Variants in TMEM63B observed in about 807,000 individuals in gnomAD.
TMEM63B encodes the protein transmembrane protein 63B.
In TMEM63B, 23 loss-of-function variants were observed where a neutral mutation model predicts 102.6. That is an observed-to-expected ratio of 0.22 (90% CI 0.16 to 0.32). The LOEUF (loss-of-function observed/expected upper bound fraction) is 0.32. Among genes scored for constraint, TMEM63B ranks in the 10% least tolerant of loss-of-function variants. The probability of loss-of-function intolerance (pLI) is 1.00; values close to 1 mark genes in which losing one functional copy is unlikely to be tolerated. For synonymous variants in TMEM63B, 444 were observed against 437.0 expected (o/e 1.02, Z -0.20); for missense variants, 628 against 1,095.9 (o/e 0.57, Z 6.03).
At position 44,155,169 on chromosome 6, in the gene TMEM63B, A is replaced by C; in HGVS notation, c.*286A>C. 4.1e-6 allele frequency: 1 copy of C among 243,492 alleles called. No homozygotes were observed. The allele number at this position is 243,492 out of a possible 1,614,324, so 15.1% of individuals were successfully genotyped here. A position where few individuals can be genotyped will look rare whatever the true frequency, so the allele number is the denominator to read the frequency against. On this transcript the variant is annotated 3_prime_UTR_variant, in exon 24 of 24. Transcript: ENST00000323267. ...CCCCTCCCCAGCTAGTAGCATGACC[A>C]GGAGAGGGTTAATGAGAGCCAAGAG...
At chr6:44,149,376 C>T (rs539944670) in intron 15 of TMEM63B, 2 of 315,080 alleles carry the variant, frequency 6.3e-6, no homozygotes, top group Non-Finnish European at 1.2e-5. Flanking sequence ...GGCCTCCCCT[C>T]ACCTCTCCTC....
intron 1 of TMEM63B, among the ~76,000 whole-genome samples, chr6:44,132,494 A>G (rs1393560690): frequency 6.6e-6 from 1 of 152,214 alleles, no homozygotes; most frequent in African/African-American, 2.4e-5. Context: ...GGGTGGGAAT[A>G]GAGTGTTGAG....
At position 44,144,798 on chromosome 6, in the gene TMEM63B, A is replaced by G. The variant is rs571101904; in HGVS notation, c.783-2049A>G. 4.5e-4 allele frequency among the ~76,000 whole-genome samples: 68 copies of G among 151,670 alleles called. 1 individual carries two copies. The highest frequency in any genetic ancestry group is 1.5e-3 in the African/African-American group (64 of 41,332). ...CTTTTTTTAGAGACAGGGTCTCACT[A>G]TGTTGCCCAGGCTGGTCATGAACTC... On this transcript the variant is annotated intron_variant, in intron 10 of 23. Transcript: ENST00000323267.
At position 44,150,133 on chromosome 6, in the gene TMEM63B, G is replaced by T; in HGVS notation, c.1521-91G>T. 6 of 1,419,434 alleles carry T rather than the reference G, an allele frequency of 4.2e-6. No homozygotes were observed. The highest frequency in any genetic ancestry group is 5.9e-6 in the Non-Finnish European group (6 of 1,018,430). 87.9% of individuals were successfully genotyped at this position (1,419,434 alleles called of 1,614,324 possible). ...CCTTGGGAGGCCCACCCTTCCCAGG[G>T]GACACTCCTTGGACATTGTCCTTGT... On this transcript the variant is annotated intron_variant, in intron 16 of 23. Coordinates refer to ENST00000323267, the MANE Select transcript of TMEM63B (RefSeq NM_018426.3). The surrounding 1 kb of genome is among the most constrained non-coding windows in gnomAD (Gnocchi z 4.7).
intron 11 of TMEM63B, 122 bp downstream of exon 11, chr6:44,147,049 C>T: frequency 1.8e-6 from 2 of 1,107,328 alleles, no homozygotes; most frequent in South Asian, 2.6e-5. Context: ...TTTAATTCAA[C>T]TCGTTGGTGT....
At chr6:44,154,498 C>T in intron 23 of TMEM63B, 53 bp downstream of exon 23, 1 of 1,604,402 alleles carries the variant, frequency 6.2e-7, no homozygotes, top group South Asian at 1.1e-5. Flanking sequence ...GCCTCAAAGC[C>T]CAGTGTTCCC....
chr6:44,146,843 T>G lies in TMEM63B; in HGVS notation c.783-4T>G. On this transcript the variant is annotated splice_region_variant and splice_polypyrimidine_tract_variant and intron_variant, in intron 10 of 23. Coordinates refer to ENST00000323267, the MANE Select transcript of TMEM63B (RefSeq NM_018426.3). ...CACAAGATGATACATGAACTGTGTT[T>G]CAGGGAAGCCTACCCCAACTGCACA... 1 of 1,613,914 alleles carries G rather than the reference T, an allele frequency of 6.2e-7. No homozygotes were observed.
chr6:44,139,848 A>T lies in TMEM63B; in HGVS notation c.602+89A>T. 2.0e-6 allele frequency: 3 copies of T among 1,531,988 alleles called. No individual in the cohort carries two copies. The Admixed American group carries it at 5.0e-5, about 26-fold the overall frequency. 94.9% of individuals were successfully genotyped at this position (1,531,988 alleles called of 1,614,324 possible). On this transcript the variant is annotated intron_variant, in intron 8 of 23. Coordinates refer to ENST00000323267, the MANE Select transcript of TMEM63B (RefSeq NM_018426.3). ...ACAGGGAGGAAAGGCAGCTGCGTTGATGGGAGCAGAGCCTACAGGGATGGC... is the reference window on the plus strand; with the variant it reads ...ACAGGGAGGAAAGGCAGCTGCGTTGTTGGGAGCAGAGCCTACAGGGATGGC...
In TMEM63B at chr6:44,148,466, G is replaced by C. The variant is rs375251660; in HGVS notation, c.1122-47G>C. Reference sequence around the variant, plus strand: ...CTGTGCTCATGGCCTTCTGCCAGCAGTGTGGCCTCCAGGTGGGCCTGTGGT... The same window carrying C: ...CTGTGCTCATGGCCTTCTGCCAGCACTGTGGCCTCCAGGTGGGCCTGTGGT... On this transcript the variant is annotated intron_variant, in intron 13 of 23. Coordinates refer to ENST00000323267, the MANE Select transcript of TMEM63B (RefSeq NM_018426.3). The surrounding 1 kb of genome is among the most constrained non-coding windows in gnomAD (Gnocchi z 5.1). 9 of 1,612,544 alleles carry C rather than the reference G, an allele frequency of 5.6e-6. No individual in the cohort carries two copies. The African/African-American group carries it at 6.7e-5, about 12-fold the overall frequency.
At chr6:44,130,763 T>C (rs1007012601) in intron 1 of TMEM63B, among the ~76,000 whole-genome samples, 3 of 149,270 alleles carry the variant, frequency 2.0e-5, no homozygotes, top group South Asian at 2.1e-4. Context: ...TTTTTTTTTT[T>C]CCCCTCGAGA....
chr6:44,146,874 C>G lies in TMEM63B; in HGVS notation c.810C>G (p.Leu270=), dbSNP rs142029936. The G allele has an allele frequency of 9.9e-6, 16 of 1,614,028 alleles. No homozygotes were observed. Among genetic ancestry groups the G allele is most frequent in the Middle Eastern group, 1.7e-4 (1 of 6,056 alleles). ...AAGCCTACCCCAACTGCACAGTTCT[C>G]GAAGCCCGCCCGTGTTACAACGTGG... ...FEEAYPNCTV[L]EARPCYNVAR... is the part of the protein sequence containing the mutation. Residue 270 remains leucine (L), a synonymous_variant, in exon 11 of 24, where the codon CTC becomes CTG. Transcript: ENST00000323267.
At chr6:44,132,531 A>C (rs1216558933) in intron 1 of TMEM63B, among the ~76,000 whole-genome samples, 2 of 152,122 alleles carry the variant, frequency 1.3e-5, no homozygotes, top group Non-Finnish European at 2.9e-5. Context: ...GGAGTTGAGA[A>C]TTGAGAAAGG....
chr6:44,134,693 C>T lies in TMEM63B; in HGVS notation c.109C>T (p.Pro37Ser), dbSNP rs528583289. 6.2e-7 allele frequency: 1 copy of T among 1,614,164 alleles called. No homozygotes were observed. Among genetic ancestry groups the T allele is most frequent in the Admixed American group, 1.7e-5 (1 of 60,030 alleles). Residue 37 changes from proline (P) to serine (S), a missense_variant, in exon 2 of 24, where the codon CCC (proline) becomes TCC (serine). By Grantham distance (74) the Pro-to-Ser change is moderately conservative. Around this residue, in one of 6 missense-constraint regions of TMEM63B, gnomAD observed 336 missense variants for 580.3 expected, o/e 0.58. Transcript: ENST00000323267. The part of the protein sequence containing the change: ...RIRSTVLQGL[P>S]FGGVPTVLAL... ...CCGCAGCACTGTCCTGCAGGGCCTG[C>T]CCTTTGGGGGCGTCCCCACCGTGCT...
At position 44,154,700 on chromosome 6, in the gene TMEM63B, C is replaced by T. The variant is rs777189359; in HGVS notation, c.2316C>T (p.Ile772=). 29 of 1,547,608 alleles carry T rather than the reference C, an allele frequency of 1.9e-5. No individual in the cohort carries two copies. The highest frequency in any genetic ancestry group is 2.4e-4 in the Middle Eastern group (1 of 4,210). ...TTCCTCTCCTCCTTCAGAAATACATCGCTCAGGTGCTGCAGGACTCAGAGG... is the reference window on the plus strand; with the variant it reads ...TTCCTCTCCTCCTTCAGAAATACATTGCTCAGGTGCTGCAGGACTCAGAGG... The part of the protein sequence containing the change: ...AAAVPKSAKY[I]AQVLQDSEVD... The change falls in exon 24 of 24, where the codon ATC becomes ATT. Residue 772 remains isoleucine (I), a synonymous_variant. Coordinates refer to ENST00000323267, the MANE Select transcript of TMEM63B (RefSeq NM_018426.3).
rs1387966297 is a variant in TMEM63B, at chr6:44,150,847, C to G, written c.1673+218C>G. On this transcript the variant is annotated intron_variant, in intron 18 of 23. Transcript: ENST00000323267. The surrounding 1 kb of genome is among the most constrained non-coding windows in gnomAD (Gnocchi z 4.7). ...TGGGGTCTGTGTTGGTGTTCACTCT[C>G]TGGTAACCTGTTTGGATGCTAAGAT... Among the ~76,000 whole-genome samples the G allele has an allele frequency of 2.6e-5, 4 of 152,206 alleles. No individual in the cohort carries two copies. Among genetic ancestry groups the G allele is most frequent in the Admixed American group, 6.5e-5 (1 of 15,284 alleles).
chr6:44,148,837 G>A lies in TMEM63B; in HGVS notation c.1305G>A (p.Leu435=), dbSNP rs776124516. The change falls in exon 15 of 24, where the codon CTG becomes CTA. Residue 435 remains leucine, a synonymous_variant. Coordinates refer to ENST00000323267, the MANE Select transcript of TMEM63B (RefSeq NM_018426.3). The surrounding 1 kb of genome is among the most constrained non-coding windows in gnomAD (Gnocchi z 5.1). ...IRGFIWWLRC[L]VINVVLFILL... The stretch of plus-strand genomic sequence containing the variant: ...GCTTCATCTGGTGGCTGCGCTGCCT[G>A]GTCATCAATGTCGTCCTCTTCATCC... 2 of 1,613,980 alleles carry A rather than the reference G, an allele frequency of 1.2e-6. No homozygotes were observed. The highest frequency in any genetic ancestry group is 2.7e-5 in the African/African-American group (2 of 74,882).
At chr6:44,132,561 C>G (rs1010572626) in intron 1 of TMEM63B, among the ~76,000 whole-genome samples, 2 of 152,110 alleles carry the variant, frequency 1.3e-5, no homozygotes, top group African/African-American at 4.8e-5. Flanking sequence ...TAGAGTCCCC[C>G]CAACCCAAGA....
In TMEM63B at chr6:44,150,347, G is replaced by GGGAC; in HGVS notation, c.1607+38_1607+41dup. The GGGAC allele has an allele frequency of 6.3e-7, 1 of 1,592,108 alleles. No individual in the cohort carries two copies. The highest frequency in any genetic ancestry group is 8.6e-7 in the Non-Finnish European group (1 of 1,160,218). On this transcript the variant is annotated intron_variant, in intron 17 of 23. Coordinates refer to ENST00000323267, the MANE Select transcript of TMEM63B (RefSeq NM_018426.3). This position sits in a 1 kb window ranked among gnomAD's most constrained non-coding sequence, Gnocchi z 4.7. ...AGGATGGGGCAGGAGCCAGGGTAGG[G>GGGAC]GGACAGCAGGATAGGGAGAGGAGAG...
intron 1 of TMEM63B, among the ~76,000 whole-genome samples, chr6:44,133,001 G>A (rs1303557778): frequency 6.6e-6 from 1 of 152,180 alleles, no homozygotes; most frequent in Non-Finnish European, 1.5e-5. Flanking sequence ...CTGAGGCCCT[G>A]TGCCCCCACC....
Sources: allele counts gnomAD v4.1 joint callset (sites outside exome capture counted in the v4.1 genomes callset), GRCh38; gene constraint gnomAD v4.1.1; regional missense constraint gnomAD v4.1.1; non-coding constraint Gnocchi (gnomAD v3.1); transcripts MANE v1.5; gene names NCBI Gene and HGNC (gene_info 2026-07-23, HGNC 2026-07-21).